Variants in ERBB4 observed in about 807,000 individuals in gnomAD.
The protein encoded by ERBB4 is erb-b2 receptor tyrosine kinase 4, also known as receptor tyrosine-protein kinase erbB-4.
Under a neutral mutation model 158.0 loss-of-function variants are expected in ERBB4, and 42 were observed. The ratio of observed to expected loss-of-function variants is 0.27; its 90% CI spans 0.21 to 0.34. ERBB4 has a LOEUF of 0.34. Among genes scored for constraint, ERBB4 ranks in the 10% least tolerant of loss-of-function variants. The pLI is 1.00. For missense variants in ERBB4, 1,333 were observed against 1,624.1 expected (o/e 0.82, Z 3.08); for synonymous variants, 583 against 558.7 (o/e 1.04, Z -0.61).
chr2:212,488,136 A>G (rs1278603184), intron 1 of ERBB4, among the ~76,000 whole-genome samples: 2 of 152,014 alleles, frequency 1.3e-5, no homozygotes, highest in African/African-American at 2.4e-5. Flanking sequence ...TCTATGGATG[A>G]TATCTAATTT....
Position 211,379,087 on chromosome 2 carries a change from G to A in ERBB4, c.*4528C>T, listed in dbSNP as rs1040355324. The A allele has an allele frequency of 1.3e-5, 3 of 231,012 alleles. No individual in the cohort carries two copies. In the East Asian group the frequency reaches 1.8e-4, roughly 14 times the overall value. 14.3% of individuals were successfully genotyped at this position (231,012 alleles called of 1,614,324 possible). Reference sequence around the variant, plus strand: ...GAATGGCAATGCAATAGTTTGAAACGCTTGGTTTAGCATTTATTTATCAGA... The same window carrying A: ...GAATGGCAATGCAATAGTTTGAAACACTTGGTTTAGCATTTATTTATCAGA... On this transcript the variant is annotated 3_prime_UTR_variant, in exon 28 of 28. Transcript: ENST00000342788.
At chr2:212,163,225 A>G (rs1483899959) in intron 1 of ERBB4, among the ~76,000 whole-genome samples, 1 of 151,990 alleles carries the variant, frequency 6.6e-6, no homozygotes, top group Non-Finnish European at 1.5e-5. Flanking sequence ...GTATGTATAT[A>G]TACTTTCTAA....
chr2:211,955,465 T>C (rs2081002263), intron 2 of ERBB4, among the ~76,000 whole-genome samples: 1 of 152,064 alleles, frequency 6.6e-6, no homozygotes, highest in African/African-American at 2.4e-5. Context: ...CTCCTGACCT[T>C]ATCAAGACTG....
chr2:211,579,469 A>C (rs78870746), intron 19 of ERBB4, among the ~76,000 whole-genome samples: 1 of 152,294 alleles, frequency 6.6e-6, no homozygotes, highest in African/African-American at 2.4e-5. Context: ...AAGGAATATA[A>C]ACCATTCTAT....
At chr2:211,525,332 T>C (rs932149663) in intron 20 of ERBB4, among the ~76,000 whole-genome samples, 1 of 152,104 alleles carries the variant, frequency 6.6e-6, no homozygotes, top group Admixed American at 6.5e-5. Flanking sequence ...ATTTCTGTCT[T>C]TCATCTTGGA....
intron 2 of ERBB4, among the ~76,000 whole-genome samples, chr2:211,973,442 C>T (rs2081513636): frequency 6.6e-6 from 1 of 152,080 alleles, no homozygotes; most frequent in Non-Finnish European, 1.5e-5. Context: ...ACTTCATGAT[C>T]CACTTGCCTC....
chr2:211,974,197 T>C (rs1299777350), intron 2 of ERBB4, among the ~76,000 whole-genome samples: 1 of 152,234 alleles, frequency 6.6e-6, no homozygotes, highest in Non-Finnish European at 1.5e-5. Flanking sequence ...AGTTTACCTA[T>C]GTAACAACCT....
chr2:212,300,416 G>A (rs1193219504), intron 1 of ERBB4, among the ~76,000 whole-genome samples: 2 of 151,292 alleles, frequency 1.3e-5, no homozygotes, highest in Non-Finnish European at 3.0e-5. Flanking sequence ...TGTTACACAG[G>A]GTTCGCGTGT....
intron 1 of ERBB4, among the ~76,000 whole-genome samples, chr2:212,141,027 A>G (rs141759475): frequency 5.3e-4 from 80 of 151,896 alleles, no homozygotes; most frequent in Non-Finnish European, 8.6e-4. Flanking sequence ...CTCATATTTT[A>G]AATTATATTA....
At chr2:212,448,662 C>T in intron 1 of ERBB4, among the ~76,000 whole-genome samples, 1 of 152,040 alleles carries the variant, frequency 6.6e-6, no homozygotes, top group Non-Finnish European at 1.5e-5. Context: ...TATACTGCAT[C>T]CTAGGAGAAA....
chr2:212,311,805 G>T (rs2087056521), intron 1 of ERBB4, among the ~76,000 whole-genome samples: 1 of 150,968 alleles, frequency 6.6e-6, no homozygotes, highest in Admixed American at 6.6e-5. Flanking sequence ...CCAGATGGAA[G>T]AAATTAGATG....
At chr2:211,862,791 G>A (rs1275599116) in intron 3 of ERBB4, among the ~76,000 whole-genome samples, 1 of 152,170 alleles carries the variant, frequency 6.6e-6, no homozygotes, top group Admixed American at 6.5e-5. Flanking sequence ...ACCATAAAAG[G>A]AATTGTGCTG....
At chr2:211,413,396 T>G (rs984787263) in intron 25 of ERBB4, among the ~76,000 whole-genome samples, 1 of 147,668 alleles carries the variant, frequency 6.8e-6, no homozygotes, top group African/African-American at 2.5e-5. Context: ...AAAGCCCTTG[T>G]CATAGGGAGG....
chr2:211,874,147 C>G (rs1344885546), intron 3 of ERBB4, among the ~76,000 whole-genome samples: 2 of 152,120 alleles, frequency 1.3e-5, no homozygotes, highest in East Asian at 3.9e-4. Flanking sequence ...TCAAAAAAAG[C>G]AAACAAACAA....
At chr2:211,901,859 C>A (rs1322975832) in intron 3 of ERBB4, among the ~76,000 whole-genome samples, 1 of 152,082 alleles carries the variant, frequency 6.6e-6, no homozygotes, top group Non-Finnish European at 1.5e-5. Flanking sequence ...TTTGCTTTTA[C>A]ATAAACATTA....
At chr2:211,718,983 G>A (rs2074011256) in intron 7 of ERBB4, among the ~76,000 whole-genome samples, 1 of 152,204 alleles carries the variant, frequency 6.6e-6, no homozygotes, top group African/African-American at 2.4e-5. Context: ...ACAGGGATAA[G>A]GGGGCTTTCT....
At chr2:211,878,889 A>G (rs1334656762) in intron 3 of ERBB4, among the ~76,000 whole-genome samples, 1 of 152,166 alleles carries the variant, frequency 6.6e-6, no homozygotes, top group African/African-American at 2.4e-5. Flanking sequence ...TTGACTAGAG[A>G]AAGTCTTTTA....
chr2:211,853,817 T>G (rs764741695), intron 3 of ERBB4, among the ~76,000 whole-genome samples: 5 of 152,064 alleles, frequency 3.3e-5, no homozygotes, highest in Non-Finnish European at 7.4e-5. Flanking sequence ...TTTGTCAACA[T>G]GTACAAAGGA....
intron 2 of ERBB4, among the ~76,000 whole-genome samples, chr2:211,969,258 T>C (rs2081387676): frequency 6.6e-6 from 1 of 151,854 alleles, no homozygotes; most frequent in Admixed American, 6.6e-5. Context: ...ATATGCCGAG[T>C]TGGATGCACA....
Sources: allele counts gnomAD v4.1 joint callset (sites outside exome capture counted in the v4.1 genomes callset), GRCh38; gene constraint gnomAD v4.1.1; transcripts MANE v1.5; gene names NCBI Gene and HGNC (gene_info 2026-07-23, HGNC 2026-07-21).